The following OR2L13 variants were observed in gnomAD, a reference collection of about 807,000 sequenced individuals.
OR2L13 encodes olfactory receptor 2L13.
A neutral mutation model predicts 15.3 loss-of-function variants in OR2L13; 14 were observed. That is an observed-to-expected ratio of 0.91 (90% CI 0.60 to 1.43). The LOEUF (loss-of-function observed/expected upper bound fraction) is 1.43. Ranked by LOEUF, OR2L13 falls within the 40% of genes most tolerant of loss-of-function variation. The pLI, the probability that OR2L13 is intolerant of heterozygous loss-of-function variation, is 0.00. For missense variants in OR2L13, 367 were observed against 387.9 expected (o/e 0.95, Z 0.45); for synonymous variants, 152 against 142.9 (o/e 1.06, Z -0.45).
the OR2L13 span, among the ~76,000 whole-genome samples, chr1:247,967,389 C>T: frequency 8.5e-5 from 13 of 152,108 alleles, no homozygotes; most frequent in East Asian, 1.9e-4. Flanking sequence ...CCACCACACC[C>T]GGCTAATTTT....
At chr1:248,022,438 G>A in the OR2L13 span, 805 of 1,614,104 alleles carry the variant, frequency 5.0e-4, 4 homozygotes, top group African/African-American at 8.3e-3. Context: ...TATGCATTCC[G>A]TATCCCATAT....
the OR2L13 span, among the ~76,000 whole-genome samples, chr1:248,031,569 T>A: frequency 1.3e-5 from 2 of 152,170 alleles, no homozygotes; most frequent in African/African-American, 4.8e-5. Context: ...TTGCTTCTGA[T>A]GTATTTTCTA....
At chr1:247,957,392 G>C in the OR2L13 span, among the ~76,000 whole-genome samples, 1 of 152,160 alleles carries the variant, frequency 6.6e-6, no homozygotes, top group Non-Finnish European at 1.5e-5. Context: ...AGGGATATTG[G>C]TCTAAAATTC....
the OR2L13 span, among the ~76,000 whole-genome samples, chr1:248,073,482 G>T: frequency 4.6e-5 from 7 of 151,966 alleles, no homozygotes; most frequent in South Asian, 4.2e-4. Context: ...GTTGTGGGGT[G>T]GGGGGAGCGG....
the OR2L13 span, among the ~76,000 whole-genome samples, chr1:247,998,191 A>G: frequency 6.6e-6 from 1 of 152,188 alleles, no homozygotes; most frequent in South Asian, 2.1e-4. Flanking sequence ...GGTGAATTTC[A>G]GCACTAGTGA....
the OR2L13 span, among the ~76,000 whole-genome samples, chr1:248,082,917 T>C: frequency 6.6e-6 from 1 of 152,182 alleles, no homozygotes; most frequent in East Asian, 1.9e-4. Flanking sequence ...TTAAAACATG[T>C]GTAGAAAAGA....
the OR2L13 span, among the ~76,000 whole-genome samples, chr1:248,027,190 A>G: frequency 6.6e-6 from 1 of 152,218 alleles, no homozygotes; most frequent in Non-Finnish European, 1.5e-5. Context: ...ATAAGGGACG[A>G]AATAAGCCCC....
the OR2L13 span, among the ~76,000 whole-genome samples, chr1:247,967,318 C>T: frequency 0.022 from 3,396 of 151,956 alleles, 67 homozygotes; most frequent in East Asian, 0.089. Context: ...AACCTCTGCC[C>T]CTCGGGTTCA....
the OR2L13 span, among the ~76,000 whole-genome samples, chr1:248,029,759 G>T: frequency 6.6e-6 from 1 of 152,148 alleles, no homozygotes; most frequent in Non-Finnish European, 1.5e-5. Context: ...TACTGTGGAT[G>T]CCTAAATAAC....
the OR2L13 span, among the ~76,000 whole-genome samples, chr1:248,017,023 T>C: frequency 6.6e-6 from 1 of 152,190 alleles, no homozygotes; most frequent in Non-Finnish European, 1.5e-5. Context: ...ATCGTTCCTT[T>C]CATGTATGAT....
the OR2L13 span, among the ~76,000 whole-genome samples, chr1:248,085,511 C>T: frequency 7.0e-6 from 1 of 142,740 alleles, no homozygotes; most frequent in Non-Finnish European, 1.5e-5. Context: ...TATCTTTTTC[C>T]AGATTATAGT....
chr1:248,056,897 G>A, the OR2L13 span, among the ~76,000 whole-genome samples: 3 of 151,938 alleles, frequency 2.0e-5, no homozygotes, highest in South Asian at 2.1e-4. Flanking sequence ...CAATCTGCCC[G>A]CCTTGGCCTC....
At chr1:247,956,686 A>G in the OR2L13 span, among the ~76,000 whole-genome samples, 3 of 151,610 alleles carry the variant, frequency 2.0e-5, no homozygotes, top group Non-Finnish European at 4.4e-5. Context: ...ATTCCTAAGT[A>G]TTTTATTCTC....
At chr1:248,021,899 C>G in the OR2L13 span, 1 of 1,481,534 alleles carries the variant, frequency 6.7e-7, no homozygotes, top group Non-Finnish European at 9.3e-7. Context: ...AACTACTGTA[C>G]TTGACTTACC....
the OR2L13 span, among the ~76,000 whole-genome samples, chr1:248,044,823 A>C: frequency 9.7e-5 from 8 of 82,696 alleles, no homozygotes; most frequent in South Asian, 1.3e-3. Context: ...AAAAAAAAAA[A>C]AAAAAAAAAA....
chr1:248,017,640 C>T, the OR2L13 span, among the ~76,000 whole-genome samples: 1 of 152,108 alleles, frequency 6.6e-6, no homozygotes, highest in African/African-American at 2.4e-5. Context: ...GCGTGAATGA[C>T]ATGCAGGGGG....
the OR2L13 span, chr1:248,084,717 AATATTTTAG>A: frequency 7.0e-7 from 1 of 1,422,954 alleles, no homozygotes; most frequent in Non-Finnish European, 9.5e-7. Flanking sequence ...TCATGGTTTG[AATATTTTAG>A]ACTTCATCTC....
At chr1:248,055,524 G>A in the OR2L13 span, among the ~76,000 whole-genome samples, 46 of 152,302 alleles carry the variant, frequency 3.0e-4, no homozygotes, top group African/African-American at 1.0e-3. Context: ...GGAAGGCCAA[G>A]GCAGGTGGAT....
the OR2L13 span, chr1:248,061,239 G>A: frequency 3.7e-6 from 6 of 1,610,712 alleles, no homozygotes; most frequent in Non-Finnish European, 5.1e-6. Context: ...TGGTGACTCT[G>A]GCCTGCATGG....
Sources: gnomAD v4.1 joint callset for allele counts (sites outside exome capture counted in the v4.1 genomes callset) on GRCh38, gnomAD v4.1.1 for gene constraint, MANE v1.5 for transcripts, NCBI Gene and HGNC (gene_info 2026-07-23, HGNC 2026-07-21) for gene names.